PIEZO1: variants seen among roughly 807,000 people sequenced by gnomAD.
The protein encoded by PIEZO1 is piezo-type mechanosensitive ion channel component 1.
A neutral mutation model predicts 297.2 loss-of-function variants in PIEZO1; 296 were observed. The observed-to-expected ratio is 1.00, with a 90% CI of 0.91 to 1.10. The LOEUF is 1.10. PIEZO1 is among the 50% of genes least tolerant of loss of function. The pLI, the probability that PIEZO1 is intolerant of heterozygous loss-of-function variation, is 0.00. For synonymous variants in PIEZO1, 2,427 were observed against 1,507.5 expected, an observed-to-expected ratio of 1.61 and a Z score of -14.13; for missense variants, 5,018 against 3,455.5, an observed-to-expected ratio of 1.45 and a Z score of -11.34.
At chr16:88,773,763 T>G (rs904472907) in intron 1 of PIEZO1, among the ~76,000 whole-genome samples, 4 of 151,658 alleles carry the variant, frequency 2.6e-5, no homozygotes, top group African/African-American at 9.7e-5. Flanking sequence ...AGCAGCTGCC[T>G]ACTGGGGGTG....
At chr16:88,716,307 G>T in intron 48 of PIEZO1, 30 bp from the exon 49 acceptor site, 1 of 1,495,814 alleles carries the variant, frequency 6.7e-7, no homozygotes, top group Non-Finnish European at 9.0e-7. Flanking sequence ...GGTCAGGCCT[G>T]GCCCAGCCAA....
At chr16:88,743,756 C>T (rs1033311696) in intron 2 of PIEZO1, 20 of 413,866 alleles carry the variant, frequency 4.8e-5, no homozygotes, top group Admixed American at 1.8e-4. Flanking sequence ...TCCCTGTCCG[C>T]ACCACCAGGC....
chr16:88,748,175 G>A (rs1321249806), intron 2 of PIEZO1, among the ~76,000 whole-genome samples: 1 of 152,166 alleles, frequency 6.6e-6, no homozygotes, highest in African/African-American at 2.4e-5. Flanking sequence ...TCCTTTCAGT[G>A]GCTCTTCACC....
chr16:88,736,303 G>A lies in PIEZO1; in HGVS notation c.1402C>T (p.Pro468Ser). Residue 468 changes from proline to serine, a missense_variant, in exon 12 of 51, where the codon CCC becomes TCC. By Grantham distance (74) the Pro-to-Ser change is moderately conservative (BLOSUM62 -1). Transcript: ENST00000301015. ...SRHQLAMLCSPCILLYGMTLC... is the reference protein window; with the variant it reads ...SRHQLAMLCSSCILLYGMTLC... ...GTCATCCCATACAGCAGGATGCAGG[G>A]CGAGCACAGCATGGCCAGTTGGTGG... 6.5e-7 allele frequency: 1 copy of A among 1,550,226 alleles called. No individual in the cohort carries two copies. The highest frequency in any genetic ancestry group is 1.4e-5 in the African/African-American group (1 of 73,150).
rs995641358 is a variant in PIEZO1, at chr16:88,722,749, C to T, written c.4669-60G>A. 3.7e-5 allele frequency: 56 copies of T among 1,527,820 alleles called. No homozygotes were observed. In the South Asian group the frequency reaches 3.9e-4, roughly 11 times the overall value. 94.6% of individuals were successfully genotyped at this position (1,527,820 alleles called of 1,614,324 possible). ...CAGCTCTTGTCCCCACACGGGGTTT[C>T]GTGCAGTGGGCGCGGGACTAGGCTG... On this transcript the variant is annotated intron_variant, in intron 34 of 50. Transcript: ENST00000301015.
At chr16:88,778,451 G>C (rs538480292) in intron 1 of PIEZO1, among the ~76,000 whole-genome samples, 1 of 152,208 alleles carries the variant, frequency 6.6e-6, no homozygotes, top group Non-Finnish European at 1.5e-5. Context: ...CCGTCAGAGG[G>C]AGCCTGAAAT....
intron 26 of PIEZO1, 32 bp downstream of exon 26, chr16:88,726,515 C>T (rs1323513886): frequency 1.0e-5 from 16 of 1,545,550 alleles, no homozygotes; most frequent in African/African-American, 4.1e-5. Context: ...GGCTTCCCCA[C>T]GCCCTCCCCC....
chr16:88,721,367 C>G lies in PIEZO1; in HGVS notation c.5467G>C (p.Glu1823Gln). ...GGCCCCTCCTCGGCTCCCTGCTCCT[C>G]CTCGCCGCTCTTGTCATGCTCCTTG... ...PSKEHDKSGE[E>Q]EQGAEEGPGV... The change falls in exon 39 of 51, where the codon GAG becomes CAG. Residue 1823 changes from glutamate (E) to glutamine (Q), a missense_variant. Coordinates refer to ENST00000301015, the MANE Select transcript of PIEZO1 (RefSeq NM_001142864.4). 6.5e-7 allele frequency: 1 copy of G among 1,549,588 alleles called. No homozygotes were observed. Among genetic ancestry groups the G allele is most frequent in the Non-Finnish European group, 8.7e-7 (1 of 1,146,910 alleles).
intron 23 of PIEZO1, 86 bp from the exon 24 acceptor site, chr16:88,727,278 C>T: frequency 2.1e-6 from 3 of 1,397,250 alleles, no homozygotes; most frequent in South Asian, 1.5e-5. Context: ...CCACCCCAGG[C>T]CTGTCGGCGT....
At position 88,715,368 on chromosome 16, in the gene PIEZO1, T is replaced by C; in HGVS notation, c.*237A>G. 4 of 1,212,504 alleles carry C rather than the reference T, an allele frequency of 3.3e-6. No individual in the cohort carries two copies. Among genetic ancestry groups the C allele is most frequent in the Non-Finnish European group, 4.5e-6 (4 of 883,538 alleles). The allele number at this position is 1,212,504 out of a possible 1,614,324, so 75.1% of individuals were successfully genotyped here. ...TTGTCCATTTGTATAAATAAAACATTTTTTAATTAAAAAAAAAACTCTACA... is the reference window on the plus strand; with the variant it reads ...TTGTCCATTTGTATAAATAAAACATCTTTTAATTAAAAAAAAAACTCTACA... On this transcript the variant is annotated 3_prime_UTR_variant, in exon 51 of 51. Transcript: ENST00000301015.
intron 30 of PIEZO1, among the ~76,000 whole-genome samples, chr16:88,724,782 C>T (rs932642070): frequency 9.9e-5 from 15 of 152,168 alleles, no homozygotes; most frequent in African/African-American, 3.6e-4. Flanking sequence ...GGGCAAGCTC[C>T]GAGACTCCCA....
Position 88,720,112 on chromosome 16 carries a change from T to G in PIEZO1, c.6121A>C (p.Ile2041Leu). Residue 2041 changes from isoleucine (I) to leucine (L), a missense_variant, in exon 42 of 51, where the codon ATC becomes CTC. Physicochemically the swap from Ile to Leu is conservative, Grantham distance 5. Coordinates refer to ENST00000301015, the MANE Select transcript of PIEZO1 (RefSeq NM_001142864.4). ...AGGATGAAGAACATCCATAGGTGGATGGCCAGCACCAGCGCCACCTGGAAG... is the reference window on the plus strand; with the variant it reads ...AGGATGAAGAACATCCATAGGTGGAGGGCCAGCACCAGCGCCACCTGGAAG... ...LAFQVALVLA[I>L]HLWMFFILPA... The G allele has an allele frequency of 6.5e-7, 1 of 1,550,384 alleles. No individual in the cohort carries two copies.
At chr16:88,783,333 A>G (rs961376853) in intron 1 of PIEZO1, among the ~76,000 whole-genome samples, 524 of 152,382 alleles carry the variant, frequency 3.4e-3, no homozygotes, top group Admixed American at 5.5e-3. Flanking sequence ...TAATGGCTGG[A>G]AAAATACCAG....
intron 44 of PIEZO1, chr16:88,718,097 G>C (rs975453642): frequency 2.3e-5 from 5 of 217,846 alleles, no homozygotes; most frequent in African/African-American, 7.2e-5. Context: ...TATGGAGAAA[G>C]GATTTGAATA....
At chr16:88,762,929 C>A (rs77438293) in intron 1 of PIEZO1, among the ~76,000 whole-genome samples, 1,590 of 152,336 alleles carry the variant, frequency 0.01, 21 homozygotes, top group African/African-American at 0.036. Flanking sequence ...CCCGAGCCCC[C>A]ACCTTATACC....
chr16:88,738,458 A>G lies in PIEZO1; in HGVS notation c.635-18T>C, dbSNP rs1597462172. The G allele has an allele frequency of 6.5e-7, 1 of 1,533,402 alleles. No individual in the cohort carries two copies. Among genetic ancestry groups the G allele is most frequent in the Non-Finnish European group, 8.7e-7 (1 of 1,144,792 alleles). The allele number at this position is 1,533,402 out of a possible 1,614,324, so 95.0% of individuals were successfully genotyped here. ...GGCGATGCCTGCGGGGCAGGGGCAC[A>G]CAGGGTGGTACCTGGCCAGTGCCAT... is the stretch of plus-strand genomic sequence containing the variant. On this transcript the variant is annotated intron_variant, in intron 6 of 50. Coordinates refer to ENST00000301015, the MANE Select transcript of PIEZO1 (RefSeq NM_001142864.4).
At chr16:88,747,363 A>G (rs1368529329) in intron 2 of PIEZO1, among the ~76,000 whole-genome samples, 1 of 152,136 alleles carries the variant, frequency 6.6e-6, no homozygotes, top group Non-Finnish European at 1.5e-5. Flanking sequence ...CAAAAACACA[A>G]AAATTAGCCA....
At position 88,716,642 on chromosome 16, in the gene PIEZO1, A is replaced by G. The variant is rs2142749763; in HGVS notation, c.6843T>C (p.Ser2281=). The change falls in exon 47 of 51, where the codon AGT becomes AGC. Residue 2281 remains serine, a synonymous_variant. Transcript: ENST00000301015. ...GCTTCATCTGGGCACGGCTGGGGGG[A>G]CTGATGCGCCACAGCGCCCCGGAGC... ...EGSSGALWRI[S]PPSRAQMKRE... The G allele has an allele frequency of 6.5e-7, 1 of 1,549,384 alleles. No homozygotes were observed. Among genetic ancestry groups the G allele is most frequent in the Non-Finnish European group, 8.7e-7 (1 of 1,146,808 alleles).
chr16:88,748,572 G>T (rs1040807596), intron 2 of PIEZO1, among the ~76,000 whole-genome samples: 2 of 151,552 alleles, frequency 1.3e-5, no homozygotes, highest in Admixed American at 6.6e-5. Context: ...CAGGCGGCTG[G>T]AACTCCCAGG....
Sources: gnomAD v4.1 joint callset for allele counts (sites outside exome capture counted in the v4.1 genomes callset) on GRCh38, gnomAD v4.1.1 for gene constraint, MANE v1.5 for transcripts, NCBI Gene and HGNC (gene_info 2026-07-23, HGNC 2026-07-21) for gene names.